CNTNAP2: variants seen among roughly 807,000 people sequenced by gnomAD.
CNTNAP2 encodes contactin associated protein 2.
CNTNAP2 carries 98 observed loss-of-function variants against 155.2 expected under a neutral mutation model. The ratio of observed to expected loss-of-function variants is 0.63; its 90% CI spans 0.54 to 0.75. The LOEUF (loss-of-function observed/expected upper bound fraction) is 0.75, where lower values mean the gene tolerates loss of function less well. Ranked by LOEUF, CNTNAP2 falls within the 30% of genes least tolerant of loss-of-function variation. The pLI is 0.00. For synonymous variants in CNTNAP2, 651 were observed against 631.2 expected (o/e 1.03, Z -0.47); for missense variants, 1,727 against 1,688.1 (o/e 1.02, Z -0.40).
intron 1 of CNTNAP2, among the ~76,000 whole-genome samples, chr7:146,525,133 T>C (rs767671146): frequency 2.6e-5 from 4 of 151,946 alleles, no homozygotes; most frequent in Non-Finnish European, 5.9e-5. Context: ...CATGGTTAGG[T>C]AGATTATAAT....
At chr7:148,112,074 C>A (rs1258605814) in intron 15 of CNTNAP2, among the ~76,000 whole-genome samples, 1 of 152,056 alleles carries the variant, frequency 6.6e-6, no homozygotes. Flanking sequence ...GGAAAGAGAG[C>A]CATAGAAGAT....
At chr7:146,134,831 T>C in intron 1 of CNTNAP2, among the ~76,000 whole-genome samples, 1 of 151,946 alleles carries the variant, frequency 6.6e-6, no homozygotes, top group East Asian at 1.9e-4. Context: ...TATTGAGGAT[T>C]TTTGCATCAA....
chr7:148,165,988 C>G (rs1321856362), intron 17 of CNTNAP2, among the ~76,000 whole-genome samples: 1 of 151,932 alleles, frequency 6.6e-6, no homozygotes. Flanking sequence ...AGGATGGTAC[C>G]CCCTTACCTT....
intron 13 of CNTNAP2, among the ~76,000 whole-genome samples, chr7:147,770,989 C>T (rs1056596803): frequency 3.3e-5 from 5 of 151,878 alleles, no homozygotes; most frequent in South Asian, 2.1e-4. Context: ...TGTAATTTGG[C>T]GTAAGAATAA....
Position 146,216,177 on chromosome 7 carries a change from G to A in CNTNAP2, c.97+99204G>A, listed in dbSNP as rs551970716. ...AGGCTGTCATGAAGGTGGCAAATGA[G>A]TCTTCAGGGACAGGAGAGCACCCTC... On this transcript the variant is annotated intron_variant, in intron 1 of 23. Coordinates refer to ENST00000361727, the MANE Select transcript of CNTNAP2 (RefSeq NM_014141.6). 2.0e-5 allele frequency among the ~76,000 whole-genome samples: 3 copies of A among 152,234 alleles called. No homozygotes were observed. The South Asian group carries it at 6.2e-4, about 32-fold the overall frequency.
intron 2 of CNTNAP2, among the ~76,000 whole-genome samples, chr7:146,794,799 T>C (rs926211931): frequency 6.6e-6 from 1 of 152,200 alleles, no homozygotes; most frequent in Non-Finnish European, 1.5e-5. Context: ...TACTTCAAAG[T>C]AGCAAGAATC....
chr7:147,486,095 C>T lies in CNTNAP2; in HGVS notation c.1777+54C>T, dbSNP rs2286126. ...TTGTAATTGCATGAGAATCTCAAGT[C>T]TTGAGCTGTGCTTTGAAGCTCAGCA... On this transcript the variant is annotated intron_variant, in intron 11 of 23. Transcript: ENST00000361727. The T allele has an allele frequency of 1.0e-2, 14,865 of 1,489,460 alleles. 592 individuals carry two copies. The highest frequency in any genetic ancestry group is 0.096 in the African/African-American group (6,954 of 72,314). 92.3% of individuals were successfully genotyped at this position (1,489,460 alleles called of 1,614,324 possible).
intron 13 of CNTNAP2, among the ~76,000 whole-genome samples, chr7:147,749,837 G>A (rs1374785510): frequency 1.3e-5 from 2 of 152,126 alleles, no homozygotes; most frequent in African/African-American, 4.8e-5. Flanking sequence ...TTCTATAAAA[G>A]CATAGTATTT....
At chr7:146,132,604 C>A (rs927110901) in intron 1 of CNTNAP2, among the ~76,000 whole-genome samples, 1 of 138,126 alleles carries the variant, frequency 7.2e-6, no homozygotes, top group East Asian at 2.2e-4. Flanking sequence ...TGTGATATTC[C>A]CCTTCCTGTG....
chr7:147,442,926 G>C (rs1797667656), intron 10 of CNTNAP2, among the ~76,000 whole-genome samples: 1 of 152,064 alleles, frequency 6.6e-6, no homozygotes, highest in Non-Finnish European at 1.5e-5. Flanking sequence ...TCCTCAAGCA[G>C]AGAAAAGGGG....
At chr7:146,122,692 A>G (rs1398721745) in intron 1 of CNTNAP2, among the ~76,000 whole-genome samples, 1 of 151,878 alleles carries the variant, frequency 6.6e-6, no homozygotes, top group Non-Finnish European at 1.5e-5. Flanking sequence ...ACCCAGTGCT[A>G]TCCGTGGTAT....
Position 146,730,330 on chromosome 7 carries a change from C to T in CNTNAP2, c.98-43941C>T, listed in dbSNP as rs73740836. 2.5e-3 allele frequency among the ~76,000 whole-genome samples: 381 copies of T among 152,178 alleles called. 3 individuals are homozygous for T. Among genetic ancestry groups the T allele is most frequent in the African/African-American group, 8.7e-3 (361 of 41,526 alleles). The stretch of plus-strand genomic sequence containing the variant: ...ATTAACTTTCATTGTCATTTAATTG[C>T]TCCATGTCCTCCTTGTTTTCCCATA... On this transcript the variant is annotated intron_variant, in intron 1 of 23. Transcript: ENST00000361727.
intron 13 of CNTNAP2, among the ~76,000 whole-genome samples, chr7:147,750,505 T>C (rs1335465582): frequency 6.6e-6 from 1 of 152,196 alleles, no homozygotes; most frequent in Non-Finnish European, 1.5e-5. Context: ...AGTTAATAAT[T>C]GCATTTACTT....
chr7:147,468,032 C>T (rs954336767), intron 10 of CNTNAP2, among the ~76,000 whole-genome samples: 2 of 151,864 alleles, frequency 1.3e-5, no homozygotes. Context: ...ATCTGTAATC[C>T]CAGAACTGTG....
intron 12 of CNTNAP2, among the ~76,000 whole-genome samples, chr7:147,571,119 T>C (rs2116807466): frequency 6.6e-6 from 1 of 151,556 alleles, no homozygotes; most frequent in African/African-American, 2.4e-5. Context: ...TTTTTAGTTC[T>C]TTTTTTTATT....
chr7:146,827,057 G>A (rs967481336), intron 2 of CNTNAP2, among the ~76,000 whole-genome samples: 3 of 151,730 alleles, frequency 2.0e-5, no homozygotes, highest in Non-Finnish European at 2.9e-5. Flanking sequence ...AATCTCTGTC[G>A]TTCTTATATG....
intron 4 of CNTNAP2, among the ~76,000 whole-genome samples, chr7:147,071,365 T>G (rs965619083): frequency 2.0e-5 from 3 of 150,618 alleles, no homozygotes; most frequent in African/African-American, 7.4e-5. Context: ...CCAACCATAC[T>G]CTGTGGGAAC....
At chr7:146,986,596 G>A (rs1385453398) in intron 3 of CNTNAP2, among the ~76,000 whole-genome samples, 1 of 152,132 alleles carries the variant, frequency 6.6e-6, no homozygotes, top group Non-Finnish European at 1.5e-5. Flanking sequence ...TTCCACAGTG[G>A]TTGTACTTGT....
chr7:147,328,255 G>C (rs77598816), intron 9 of CNTNAP2, among the ~76,000 whole-genome samples: 2,351 of 152,300 alleles, frequency 0.015, 57 homozygotes, highest in African/African-American at 0.053. Flanking sequence ...TAAAGAGGGA[G>C]AGAGCCTCTA....
Sources: gnomAD v4.1 joint callset for allele counts (sites outside exome capture counted in the v4.1 genomes callset) on GRCh38, gnomAD v4.1.1 for gene constraint, MANE v1.5 for transcripts, NCBI Gene and HGNC (gene_info 2026-07-23, HGNC 2026-07-21) for gene names.